The following TEX15 variants were observed in gnomAD, a reference collection of about 807,000 sequenced individuals.
TEX15 encodes testis-expressed protein 15.
Under a neutral mutation model 237.3 loss-of-function variants are expected in TEX15, and 171 were observed. The ratio of observed to expected loss-of-function variants is 0.72; its 90% CI spans 0.64 to 0.82. The LOEUF (loss-of-function observed/expected upper bound fraction) is 0.82, where lower values mean the gene tolerates loss of function less well. Among genes scored for constraint, TEX15 ranks in the 40% least tolerant of loss-of-function variants. The pLI, the probability that TEX15 is intolerant of heterozygous loss-of-function variation, is 0.00. For synonymous variants in TEX15, 1,338 were observed against 1,269.8 expected (o/e 1.05, Z -1.14); for missense variants, 3,750 against 3,646.5 (o/e 1.03, Z -0.73).
chr8:30,887,391 C>G (rs1297625394), intron 2 of TEX15, 80 bp from the exon 3 acceptor site: 3 of 1,218,030 alleles, frequency 2.5e-6, no homozygotes, highest in Non-Finnish European at 3.2e-6. Flanking sequence ...TTTAAAAGTT[C>G]TTCAACAAAA....
At chr8:30,883,887 A>C (rs1169333262) in intron 3 of TEX15, among the ~76,000 whole-genome samples, 1 of 152,170 alleles carries the variant, frequency 6.6e-6, no homozygotes. Context: ...TGCTGGGTCA[A>C]ATGGTATTTC....
In TEX15 at chr8:30,887,875, T is replaced by TCG. The variant is rs1303295716; in HGVS notation, c.-9-565_-9-564insCG. On this transcript the variant is annotated intron_variant, in intron 2 of 10. Transcript: ENST00000643185. ...CATATATATTTCGCACATATATATT[T>TCG]CACATATATATTTCATATATATATA... is the stretch of plus-strand genomic sequence containing the variant. 1.1e-4 allele frequency: 15 copies of TCG among 138,272 alleles called. No individual in the cohort carries two copies. In the East Asian group the frequency reaches 2.4e-3, roughly 22 times the overall value. 8.6% of individuals were successfully genotyped at this position (138,272 alleles called of 1,614,324 possible).
In TEX15 at chr8:30,863,672, T is replaced by TA. The variant is rs146781255; in HGVS notation, c.540+3592dup. Among the ~76,000 whole-genome samples the TA allele has an allele frequency of 4.1e-3, 607 of 146,688 alleles. 11 individuals are homozygous for TA. The East Asian group carries it at 0.067, about 16-fold the overall frequency. On this transcript the variant is annotated intron_variant, in intron 5 of 10. Coordinates refer to ENST00000643185, the MANE Select transcript of TEX15 (RefSeq NM_001350162.2). Reference sequence around the variant, plus strand: ...TTTTCCCCTATTTTGCAGCCAGACATAAAAAAAAAATACTACTCAAAAGCA... The same window carrying TA: ...TTTTCCCCTATTTTGCAGCCAGACATAAAAAAAAAAATACTACTCAAAAGCA...
chr8:30,893,032 CAAA>C (rs60813874), intron 2 of TEX15, among the ~76,000 whole-genome samples: 5 of 81,310 alleles, frequency 6.1e-5, no homozygotes, highest in Non-Finnish European at 5.6e-5. Context: ...GACTCTGCCT[CAAA>C]AAAAAAAAAA....
intron 10 of TEX15, 90 bp downstream of exon 10, chr8:30,836,707 CCTCTAA>C (rs1449228734): frequency 1.8e-6 from 2 of 1,109,358 alleles, no homozygotes; most frequent in Non-Finnish European, 1.3e-6. Flanking sequence ...GCTCTTTCTC[CCTCTAA>C]CTCATCACTT....
chr8:30,845,103 A>G lies in TEX15; in HGVS notation c.5064T>C (p.Ile1688=). Residue 1688 remains isoleucine (I), a synonymous_variant, in exon 8 of 11, where the codon ATT becomes ATC. Coordinates refer to ENST00000643185, the MANE Select transcript of TEX15 (RefSeq NM_001350162.2). ...TAATAATGTTTTGTTTGGGTCTCTC[A>G]ATAGGATCTGTCCACTTTACTTCCA... ...RNLEVKWTDP[I]ERPKQNIITG... is the part of the protein sequence containing the mutation. The G allele has an allele frequency of 6.2e-7, 1 of 1,613,550 alleles. No individual in the cohort carries two copies. The highest frequency in any genetic ancestry group is 8.5e-7 in the Non-Finnish European group (1 of 1,179,514).
intron 10 of TEX15, among the ~76,000 whole-genome samples, chr8:30,835,291 T>C (rs1454427677): frequency 6.6e-6 from 1 of 152,002 alleles, no homozygotes; most frequent in East Asian, 1.9e-4. Flanking sequence ...TTTTAGTAGA[T>C]ACCAGGGTTT....
chr8:30,896,984 A>G (rs1250059459), intron 2 of TEX15, among the ~76,000 whole-genome samples: 1 of 152,222 alleles, frequency 6.6e-6, no homozygotes, highest in Non-Finnish European at 1.5e-5. Context: ...AGGGCCAACC[A>G]GTGACAAGTA....
intron 5 of TEX15, among the ~76,000 whole-genome samples, chr8:30,861,015 G>A (rs1808039370): frequency 6.6e-6 from 1 of 151,272 alleles, no homozygotes; most frequent in Admixed American, 6.6e-5. Context: ...AAAAAGGATG[G>A]TACTACCACA....
At chr8:30,881,610 C>CTTTTTTTTTTTTTTTTTTTTTTTTTTTT (rs1164594718) in intron 3 of TEX15, among the ~76,000 whole-genome samples, 2 of 109,424 alleles carry the variant, frequency 1.8e-5, no homozygotes, top group African/African-American at 1.3e-4. Flanking sequence ...TCCATCTTGA[C>CTTTTTTTTTTTTTTTTTTTTTTTTTTTT]TTTTTATTTT....
In TEX15 at chr8:30,845,839, G is replaced by T. The variant is rs530878794; in HGVS notation, c.4328C>A (p.Thr1443Asn). The change falls in exon 8 of 11, where the codon ACT becomes AAT. Residue 1443 changes from threonine (T) to asparagine (N), a missense_variant. Coordinates refer to ENST00000643185, the MANE Select transcript of TEX15 (RefSeq NM_001350162.2). The part of the protein sequence containing the change: ...SSVSQRKYYS[T>N]KHFSSKRKYD... ...TTTTCTTTTTGACGAAAAATGCTTA[G>T]TAGAATAATATTTTCTTTGAGACAC... 70 of 1,609,648 alleles carry T rather than the reference G, an allele frequency of 4.3e-5. No individual in the cohort carries two copies. The Admixed American group carries it at 1.1e-3, about 26-fold the overall frequency.
rs760604772 is a variant in TEX15 at position 30,842,083 on chromosome 8, C to T, written c.8084G>A (p.Arg2695Gln). Residue 2695 changes from arginine to glutamine, a missense_variant, in exon 8 of 11, where the codon CGA becomes CAA. Transcript: ENST00000643185. ...TTCACATTTGTCTACAGTGCTCGGT[C>T]GTTTTTTAGAGGAATTTGAGATGTT... ...NKNISNSSKK[R>Q]PSTVDKCEDS... is the part of the protein sequence containing the mutation. 2 of 1,613,344 alleles carry T rather than the reference C, an allele frequency of 1.2e-6. No individual in the cohort carries two copies. Among genetic ancestry groups the T allele is most frequent in the East Asian group, 2.2e-5 (1 of 44,828 alleles).
chr8:30,866,158 A>G (rs1374082041), intron 5 of TEX15, among the ~76,000 whole-genome samples: 1 of 152,108 alleles, frequency 6.6e-6, no homozygotes, highest in Non-Finnish European at 1.5e-5. Context: ...TTGATCTGAA[A>G]AGGAAATCAG....
intron 3 of TEX15, among the ~76,000 whole-genome samples, chr8:30,880,340 A>G (rs912358578): frequency 6.6e-6 from 1 of 152,160 alleles, no homozygotes; most frequent in African/African-American, 2.4e-5. Flanking sequence ...GCCCAAAGTT[A>G]TTTTAAATGG....
At position 30,842,969 on chromosome 8, in the gene TEX15, T is replaced by C; in HGVS notation, c.7198A>G (p.Ile2400Val). The C allele has an allele frequency of 1.2e-6, 2 of 1,611,506 alleles. No homozygotes were observed. The highest frequency in any genetic ancestry group is 1.7e-6 in the Non-Finnish European group (2 of 1,179,240). ...LTLRCTDHLE[I>V]LKKYFQMLQD... ...AGCATCTGAAAGTATTTTTTTAAAA[T>C]TTCTAAGTGATCTGTACATCTCAAG... Residue 2400 changes from isoleucine (I) to valine (V), a missense_variant, in exon 8 of 11, where the codon ATT becomes GTT. Coordinates refer to ENST00000643185, the MANE Select transcript of TEX15 (RefSeq NM_001350162.2).
At chr8:30,853,074 G>T (rs989724925) in intron 7 of TEX15, among the ~76,000 whole-genome samples, 3 of 152,140 alleles carry the variant, frequency 2.0e-5, no homozygotes, top group Non-Finnish European at 4.4e-5. Flanking sequence ...CATAATATAG[G>T]TTTTCTCTAA....
chr8:30,904,686 G>A (rs1402155252), intron 1 of TEX15, among the ~76,000 whole-genome samples: 2 of 152,094 alleles, frequency 1.3e-5, no homozygotes, highest in Admixed American at 1.3e-4. Context: ...TGTCAATGAG[G>A]TGTGCATGAC....
intron 7 of TEX15, among the ~76,000 whole-genome samples, chr8:30,855,901 C>T (rs1218016820): frequency 1.3e-5 from 2 of 152,156 alleles, no homozygotes; most frequent in East Asian, 1.9e-4. Context: ...TTAGTAGTTG[C>T]TTAGGGCTGG....
intron 7 of TEX15, among the ~76,000 whole-genome samples, chr8:30,850,535 A>C (rs1396891746): frequency 7.9e-5 from 12 of 152,198 alleles, no homozygotes; most frequent in Non-Finnish European, 1.8e-4. Flanking sequence ...AAGATTTCTA[A>C]ATTCTACTAC....
Sources: gnomAD v4.1 joint callset for allele counts (sites outside exome capture counted in the v4.1 genomes callset) on GRCh38, gnomAD v4.1.1 for gene constraint, MANE v1.5 for transcripts, NCBI Gene and HGNC (gene_info 2026-07-23, HGNC 2026-07-21) for gene names.